The following GPR158 variants were observed in gnomAD, a reference collection of about 807,000 sequenced individuals.
GPR158 encodes the protein metabotropic glycine receptor.
GPR158 carries 30 observed loss-of-function variants against 78.2 expected under a neutral mutation model. That is an observed-to-expected ratio of 0.38 (90% confidence interval 0.29 to 0.52). GPR158 has a LOEUF of 0.52. Among genes scored for constraint, GPR158 ranks in the 20% least tolerant of loss-of-function variants. GPR158 has a pLI of 0.83. For missense variants in GPR158, 1,463 were observed against 1,523.5 expected (o/e 0.96, Z 0.66); for synonymous variants, 581 against 591.1 (o/e 0.98, Z 0.25).
intron 2 of GPR158, among the ~76,000 whole-genome samples, chr10:25,389,747 A>T (rs942986976): frequency 9.2e-5 from 14 of 152,072 alleles, no homozygotes; most frequent in African/African-American, 3.1e-4. Flanking sequence ...CAGACCTGGA[A>T]GCTCCCTGAG....
At chr10:25,371,309 G>A (rs12255378) in intron 2 of GPR158, among the ~76,000 whole-genome samples, 2 of 152,012 alleles carry the variant, frequency 1.3e-5, no homozygotes, top group African/African-American at 2.4e-5. Flanking sequence ...GCTGGTACCA[G>A]TTGTTCCTTT....
chr10:25,482,070 C>A (rs920057012), intron 5 of GPR158, among the ~76,000 whole-genome samples: 10 of 152,026 alleles, frequency 6.6e-5, no homozygotes, highest in African/African-American at 2.4e-4. Context: ...AGCTAGTGTG[C>A]CACACAGGTA....
intron 2 of GPR158, among the ~76,000 whole-genome samples, chr10:25,319,716 C>G (rs150359738): frequency 6.6e-6 from 1 of 151,998 alleles, no homozygotes; most frequent in African/African-American, 2.4e-5. Flanking sequence ...TCGGCGACAT[C>G]GTTCTTTATG....
chr10:25,340,695 A>T (rs1855290264), intron 2 of GPR158, among the ~76,000 whole-genome samples: 1 of 152,074 alleles, frequency 6.6e-6, no homozygotes, highest in Non-Finnish European at 1.5e-5. Context: ...AGAGAAATAA[A>T]AAGGTAGACT....
At chr10:25,411,933 C>CAAAAAAAAAAAAA (rs1164005677) in intron 3 of GPR158, among the ~76,000 whole-genome samples, 3 of 47,486 alleles carry the variant, frequency 6.3e-5, no homozygotes, top group African/African-American at 7.6e-5. Flanking sequence ...GACTCTATCA[C>CAAAAAAAAAAAAA]AAAAAAAAAA....
intron 2 of GPR158, among the ~76,000 whole-genome samples, chr10:25,372,848 T>TAAAG (rs56306794): frequency 2.0e-5 from 3 of 151,268 alleles, no homozygotes; most frequent in Admixed American, 2.0e-4. Flanking sequence ...CCCTAAAACT[T>TAAAG]TAATAATAAT....
At chr10:25,292,701 G>A (rs1854457147) in intron 2 of GPR158, among the ~76,000 whole-genome samples, 1 of 151,994 alleles carries the variant, frequency 6.6e-6, no homozygotes, top group South Asian at 2.1e-4. Flanking sequence ...ACAAAGTTGA[G>A]CCAAATTTCA....
chr10:25,515,435 T>C (rs1383692439), intron 5 of GPR158, among the ~76,000 whole-genome samples: 31 of 149,888 alleles, frequency 2.1e-4, no homozygotes, highest in Admixed American at 2.1e-3. Context: ...TAGTTACATA[T>C]GTATACATGT....
intron 2 of GPR158, among the ~76,000 whole-genome samples, chr10:25,234,520 T>G (rs1485836388): frequency 6.6e-6 from 1 of 152,238 alleles, no homozygotes; most frequent in African/African-American, 2.4e-5. Context: ...CTTCGTTTTC[T>G]TAAACAATCT....
chr10:25,249,797 G>A (rs1374325587), intron 2 of GPR158, among the ~76,000 whole-genome samples: 26 of 151,838 alleles, frequency 1.7e-4, no homozygotes, highest in African/African-American at 5.6e-4. Flanking sequence ...TCTCTGCCCG[G>A]CTTTGGTATC....
intron 2 of GPR158, among the ~76,000 whole-genome samples, chr10:25,355,719 G>T (rs35885363): frequency 0.1 from 15,134 of 151,962 alleles, 1,854 homozygotes; most frequent in African/African-American, 0.3. Context: ...TTTTCTGCCA[G>T]GTTACTGTAA....
chr10:25,433,092 C>T (rs1017548053), intron 4 of GPR158, among the ~76,000 whole-genome samples: 1 of 152,084 alleles, frequency 6.6e-6, no homozygotes, highest in Non-Finnish European at 1.5e-5. Flanking sequence ...AAACCCAAAG[C>T]CTAAAGAATT....
intron 6 of GPR158, among the ~76,000 whole-genome samples, chr10:25,566,978 C>T (rs1836938057): frequency 6.6e-6 from 1 of 152,168 alleles, no homozygotes; most frequent in South Asian, 2.1e-4. Context: ...GAAGTGTCAC[C>T]TCATACCTTT....
At chr10:25,368,359 TATATCTA>T (rs1833930189) in intron 2 of GPR158, among the ~76,000 whole-genome samples, 1 of 151,842 alleles carries the variant, frequency 6.6e-6, no homozygotes, top group African/African-American at 2.4e-5. Flanking sequence ...ACAAAGATCT[TATATCTA>T]GCATCTATGA....
chr10:25,406,321 G>C (rs143861803), intron 3 of GPR158, among the ~76,000 whole-genome samples: 1 of 152,110 alleles, frequency 6.6e-6, no homozygotes, highest in Non-Finnish European at 1.5e-5. Flanking sequence ...GAAGGGCATT[G>C]TATACAGTTT....
intron 2 of GPR158, among the ~76,000 whole-genome samples, chr10:25,352,510 A>G (rs1855489507): frequency 6.6e-6 from 1 of 152,036 alleles, no homozygotes; most frequent in African/African-American, 2.4e-5. Flanking sequence ...TAAGTTTATA[A>G]TGTTAAGAAT....
intron 2 of GPR158, among the ~76,000 whole-genome samples, chr10:25,357,459 G>A (rs1855569854): frequency 6.6e-6 from 1 of 152,116 alleles, no homozygotes. Context: ...ATGGTTCCAT[G>A]GGCCAGGCCC....
At chr10:25,596,477 G>T (rs1423938039) in intron 9 of GPR158, among the ~76,000 whole-genome samples, 166 bp from the exon 10 acceptor site, 6 of 151,928 alleles carry the variant, frequency 3.9e-5, no homozygotes, top group African/African-American at 1.5e-4. Context: ...CTGTTTGTCT[G>T]TCTGTGTCTC....
At chr10:25,364,913 G>T (rs546474802) in intron 2 of GPR158, among the ~76,000 whole-genome samples, 2 of 151,736 alleles carry the variant, frequency 1.3e-5, no homozygotes, top group South Asian at 2.1e-4. Flanking sequence ...GAGTGTGTCC[G>T]CACACTTTGA....
Sources: gnomAD v4.1 joint callset for allele counts (sites outside exome capture counted in the v4.1 genomes callset) on GRCh38, gnomAD v4.1.1 for gene constraint, MANE v1.5 for transcripts, NCBI Gene and HGNC (gene_info 2026-07-23, HGNC 2026-07-21) for gene names.